The following RYR3 variants were observed in gnomAD, a reference collection of about 807,000 sequenced individuals.
RYR3 encodes the protein ryanodine receptor 3.
RYR3 carries 207 observed loss-of-function variants against 584.3 expected under a neutral mutation model. The observed-to-expected ratio is 0.35, with a 90% CI of 0.32 to 0.40. The LOEUF (loss-of-function observed/expected upper bound fraction) is 0.40. Ranked by LOEUF, RYR3 falls within the 10% of genes least tolerant of loss-of-function variation. The pLI is 1.00. For missense variants in RYR3, 5,616 were observed against 6,089.2 expected, an observed-to-expected ratio of 0.92 and a Z score of 2.59; for synonymous variants, 2,416 against 2,248.5, an observed-to-expected ratio of 1.07 and a Z score of -2.11.
chr15:33,612,579 C>T (rs1230045186), intron 18 of RYR3, among the ~76,000 whole-genome samples: 5 of 152,112 alleles, frequency 3.3e-5, no homozygotes, highest in Non-Finnish European at 5.9e-5. Flanking sequence ...AGGCTGGTCT[C>T]GAACTCCTGA....
chr15:33,672,096 G>T (rs745961948), intron 38 of RYR3, among the ~76,000 whole-genome samples: 3 of 152,064 alleles, frequency 2.0e-5, no homozygotes, highest in Non-Finnish European at 4.4e-5. Context: ...TTACAGGCAT[G>T]AGCCACCACA....
At chr15:33,583,194 CT>C (rs962871414) in intron 14 of RYR3, among the ~76,000 whole-genome samples, 8 of 152,110 alleles carry the variant, frequency 5.3e-5, no homozygotes, top group African/African-American at 1.9e-4. Context: ...TTAACAAATT[CT>C]TAGGTGATGC....
intron 2 of RYR3, among the ~76,000 whole-genome samples, chr15:33,499,458 T>G (rs927977919): frequency 6.6e-6 from 1 of 152,152 alleles, no homozygotes; most frequent in African/African-American, 2.4e-5. Context: ...TCACTGACAT[T>G]CCACTAAATC....
chr15:33,583,904 T>A (rs1173785998), intron 14 of RYR3, among the ~76,000 whole-genome samples: 1 of 151,398 alleles, frequency 6.6e-6, no homozygotes, highest in African/African-American at 2.4e-5. Context: ...ATACAAAAAT[T>A]AGCTGGGTGT....
intron 1 of RYR3, among the ~76,000 whole-genome samples, chr15:33,385,710 C>CTTTCT (rs2041550147): frequency 7.6e-6 from 1 of 131,402 alleles, no homozygotes; most frequent in Non-Finnish European, 1.5e-5. Flanking sequence ...TTTTTCTTTT[C>CTTTCT]TTTTTTTTTT....
chr15:33,572,658 T>TAC lies in RYR3; in HGVS notation c.1268+5890_1268+5891dup, dbSNP rs57835355. Among the ~76,000 whole-genome samples, 1,077 of 124,494 alleles carry TAC rather than the reference T, an allele frequency of 8.7e-3. 15 individuals are homozygous for TAC. Among genetic ancestry groups the TAC allele is most frequent in the South Asian group, 0.044 (162 of 3,650 alleles). 81.7% of individuals were successfully genotyped at this position (124,494 alleles called of 152,430 possible). A position where few individuals can be genotyped will look rare whatever the true frequency, so the allele number is the denominator to read the frequency against. ...TAAATTAAAAAAAAAAAACTATATA[T>TAC]ACACACACACACACACACACACACA... On this transcript the variant is annotated intron_variant, in intron 12 of 103. Transcript: ENST00000634891.
At chr15:33,533,972 C>T (rs2055104750) in intron 5 of RYR3, among the ~76,000 whole-genome samples, 1 of 152,046 alleles carries the variant, frequency 6.6e-6, no homozygotes, top group South Asian at 2.1e-4. Flanking sequence ...ACTGTTTTTG[C>T]TTGCCATAAA....
intron 40 of RYR3, 115 bp downstream of exon 40, chr15:33,698,111 G>A: frequency 1.4e-6 from 1 of 725,944 alleles, no homozygotes; most frequent in Non-Finnish European, 2.5e-6. Context: ...TCCAGGGAGA[G>A]GAAGGGATAG....
intron 1 of RYR3, among the ~76,000 whole-genome samples, chr15:33,368,015 G>A (rs568958773): frequency 1.3e-5 from 2 of 152,258 alleles, no homozygotes; most frequent in South Asian, 4.1e-4. Context: ...ATTGTAAATG[G>A]GAAGGAAGGG....
intron 1 of RYR3, among the ~76,000 whole-genome samples, chr15:33,370,168 G>A (rs531850422): frequency 1.3e-5 from 2 of 152,280 alleles, no homozygotes; most frequent in Admixed American, 1.3e-4. Context: ...AGGAACTGAA[G>A]GCTTTTCCTT....
intron 9 of RYR3, among the ~76,000 whole-genome samples, 164 bp from the exon 10 acceptor site, chr15:33,549,996 G>T (rs1162028609): frequency 1.3e-5 from 2 of 152,232 alleles, no homozygotes; most frequent in Non-Finnish European, 2.9e-5. Flanking sequence ...GTTGTAGGCA[G>T]ACATGAAATC....
chr15:33,833,859 A>G (rs1412666317), intron 86 of RYR3, among the ~76,000 whole-genome samples: 1 of 152,234 alleles, frequency 6.6e-6, no homozygotes, highest in East Asian at 1.9e-4. Flanking sequence ...TTTTCTAGAA[A>G]TTAGGGTAAT....
chr15:33,432,668 T>TGTGTGTGTGTGTGTGTGTGTGTGTG (rs113646851), intron 1 of RYR3, among the ~76,000 whole-genome samples: 12 of 132,198 alleles, frequency 9.1e-5, no homozygotes, highest in Middle Eastern at 3.7e-3. Flanking sequence ...GCCTAGCTAA[T>TGTGTGTGTGTGTGTGTGTGTGTGTG]TGTGTGTGTG....
chr15:33,466,087 G>C (rs910890589), intron 1 of RYR3, among the ~76,000 whole-genome samples: 3 of 152,220 alleles, frequency 2.0e-5, no homozygotes, highest in Non-Finnish European at 4.4e-5. Flanking sequence ...GGAAACACAA[G>C]TCGAGTTCAG....
chr15:33,451,533 G>A (rs536167375), intron 1 of RYR3, among the ~76,000 whole-genome samples: 14 of 152,276 alleles, frequency 9.2e-5, no homozygotes, highest in Admixed American at 7.2e-4. Flanking sequence ...AGCAGGTTAT[G>A]TTAACTCCAG....
intron 48 of RYR3, among the ~76,000 whole-genome samples, chr15:33,732,500 A>T (rs1243674874): frequency 6.6e-6 from 1 of 152,134 alleles, no homozygotes; most frequent in Non-Finnish European, 1.5e-5. Flanking sequence ...ATGACTGCAG[A>T]TGGGCATCAG....
intron 12 of RYR3, among the ~76,000 whole-genome samples, chr15:33,575,316 A>AATAT (rs1430364605): frequency 6.6e-6 from 1 of 152,230 alleles, no homozygotes; most frequent in Non-Finnish European, 1.5e-5. Flanking sequence ...AAAACAACAG[A>AATAT]ATATACATTC....
At chr15:33,486,929 G>A (rs2050480401) in intron 2 of RYR3, among the ~76,000 whole-genome samples, 1 of 152,080 alleles carries the variant, frequency 6.6e-6, no homozygotes, top group South Asian at 2.1e-4. Flanking sequence ...GGGCGCAGTG[G>A]GTCATGACTG....
At chr15:33,848,257 C>G (rs991316050) in intron 93 of RYR3, 34 bp from the exon 94 acceptor site, 6 of 1,612,118 alleles carry the variant, frequency 3.7e-6, no homozygotes, top group Non-Finnish European at 5.1e-6. Context: ...ATCACAAAGC[C>G]TGCTCTGAGT....
Sources: gnomAD v4.1 joint callset for allele counts (sites outside exome capture counted in the v4.1 genomes callset) on GRCh38, gnomAD v4.1.1 for gene constraint, MANE v1.5 for transcripts, NCBI Gene and HGNC (gene_info 2026-07-23, HGNC 2026-07-21) for gene names.